The following KLF8 variants were observed in gnomAD, a reference collection of about 807,000 sequenced individuals.
KLF8 encodes Krueppel-like factor 8.
KLF8 carries 10 observed loss-of-function variants against 18.2 expected under a neutral mutation model. The observed-to-expected ratio is 0.55, with a 90% CI of 0.34 to 0.93. KLF8 has a LOEUF of 0.93. Among genes scored for constraint, KLF8 ranks in the 40% least tolerant of loss-of-function variants. KLF8 has a pLI of 0.02. For synonymous variants in KLF8, 109 were observed against 97.3 expected, an observed-to-expected ratio of 1.12 and a Z score of -0.71; for missense variants, 264 against 277.9, an observed-to-expected ratio of 0.95 and a Z score of 0.36.
At chrX:56,067,997 C>A in the KLF8 span, among the ~76,000 whole-genome samples, 1 of 112,205 alleles carries the variant, frequency 8.9e-6, no homozygotes, top group Non-Finnish European at 1.9e-5. Context: ...ATTTCACCCA[C>A]CTTGCCAATG....
the KLF8 span, among the ~76,000 whole-genome samples, chrX:56,161,978 T>C: frequency 8.9e-6 from 1 of 112,196 alleles, no homozygotes; most frequent in Non-Finnish European, 1.9e-5. Flanking sequence ...TTGTTAGTTT[T>C]CCTTCTAACA....
the KLF8 span, among the ~76,000 whole-genome samples, chrX:56,105,595 A>T: frequency 8.0e-5 from 8 of 100,553 alleles, no homozygotes; most frequent in African/African-American, 3.0e-4. Context: ...TTTTGAGCCT[A>T]TGTGTGTCTC....
At chrX:56,050,604 C>T in the KLF8 span, among the ~76,000 whole-genome samples, 1 of 112,214 alleles carries the variant, frequency 8.9e-6, no homozygotes, top group Non-Finnish European at 1.9e-5. Context: ...ATCCTGAGTT[C>T]TAGTTTGATT....
At chrX:56,186,528 A>C in the KLF8 span, among the ~76,000 whole-genome samples, 2 of 111,519 alleles carry the variant, frequency 1.8e-5, no homozygotes, top group Admixed American at 9.6e-5. Context: ...AAGCGGACCT[A>C]ATAGACATCT....
chrX:56,159,519 G>A, the KLF8 span, among the ~76,000 whole-genome samples: 3 of 111,942 alleles, frequency 2.7e-5, no homozygotes, highest in East Asian at 2.8e-4. Flanking sequence ...TCTGGTCCTC[G>A]ACTTTTTTTG....
chrX:56,170,398 T>C, the KLF8 span, among the ~76,000 whole-genome samples: 1 of 110,365 alleles, frequency 9.1e-6, no homozygotes, highest in Non-Finnish European at 1.9e-5. Flanking sequence ...AGAAAGAGAA[T>C]TGAAAATAGT....
chrX:56,256,207 T>C (rs952096211), intron 2 of KLF8, among the ~76,000 whole-genome samples: 2 of 111,887 alleles, frequency 1.8e-5, no homozygotes, highest in Admixed American at 1.9e-4. Context: ...CCTTTGAATT[T>C]CTGCAATATC....
chrX:56,019,152 T>TA, the KLF8 span, among the ~76,000 whole-genome samples: 10 of 111,482 alleles, frequency 9.0e-5, no homozygotes, highest in East Asian at 5.6e-4. Flanking sequence ...ATCAGCATTA[T>TA]AAAAAAAATA....
chrX:56,066,974 T>A, the KLF8 span, among the ~76,000 whole-genome samples: 2 of 110,147 alleles, frequency 1.8e-5, no homozygotes, highest in East Asian at 5.9e-4. Flanking sequence ...TGGCAGCCTT[T>A]CACTTTCCAT....
chrX:56,053,050 C>T, the KLF8 span, among the ~76,000 whole-genome samples: 1 of 111,953 alleles, frequency 8.9e-6, no homozygotes, highest in Non-Finnish European at 1.9e-5. Flanking sequence ...TCTGTCACCC[C>T]TTTCTTTGAC....
the KLF8 span, among the ~76,000 whole-genome samples, chrX:56,080,931 T>G: frequency 2.7e-5 from 3 of 111,412 alleles, no homozygotes; most frequent in East Asian, 8.3e-4. Flanking sequence ...TTTCTTCCAG[T>G]TGATTGCATC....
intron 2 of KLF8, among the ~76,000 whole-genome samples, chrX:56,254,833 A>G (rs1237089178): frequency 9.0e-6 from 1 of 111,049 alleles, no homozygotes; most frequent in Non-Finnish European, 1.9e-5. Flanking sequence ...CTGGGTTTTT[A>G]TGGGCACAGG....
At chrX:55,941,001 C>A in the KLF8 span, among the ~76,000 whole-genome samples, 12 of 111,740 alleles carry the variant, frequency 1.1e-4, no homozygotes, top group Non-Finnish European at 2.1e-4. Flanking sequence ...CAATGACTTT[C>A]TTCACAGAGT....
chrX:56,145,496 C>A, the KLF8 span, among the ~76,000 whole-genome samples: 1 of 112,477 alleles, frequency 8.9e-6, no homozygotes, highest in East Asian at 2.8e-4. Flanking sequence ...CAAATAAATT[C>A]TTGTACACAA....
In KLF8 at chrX:56,284,733, G is replaced by A. The variant is rs2067249913; in HGVS notation, c.*239G>A. On this transcript the variant is annotated 3_prime_UTR_variant, in exon 6 of 6. Coordinates refer to ENST00000468660, the MANE Select transcript of KLF8 (RefSeq NM_007250.5). ...CAACCTCCACATGGGTTGAATTCCAGTGTGGCACCCATGGCTGCCTTCCCA... is the reference window on the plus strand; with the variant it reads ...CAACCTCCACATGGGTTGAATTCCAATGTGGCACCCATGGCTGCCTTCCCA... The A allele has an allele frequency of 3.5e-6, 1 of 284,384 alleles. No individual in the cohort carries two copies. The highest frequency in any genetic ancestry group is 6.2e-6 in the Non-Finnish European group (1 of 162,483). The allele number at this position is 284,384 out of a possible 1,213,427, so 23.4% of individuals were successfully genotyped here. A position where few individuals can be genotyped will look rare whatever the true frequency, so the allele number is the denominator to read the frequency against.
chrX:56,147,368 G>T, the KLF8 span, among the ~76,000 whole-genome samples: 2 of 111,530 alleles, frequency 1.8e-5, no homozygotes, highest in Non-Finnish European at 3.8e-5. Flanking sequence ...ATCTTAAAAG[G>T]GGCTTTTAAC....
the KLF8 span, among the ~76,000 whole-genome samples, chrX:55,994,881 A>C: frequency 1.8e-5 from 2 of 112,058 alleles, no homozygotes; most frequent in African/African-American, 6.5e-5. Context: ...GGTGAAAATA[A>C]TGTATATTCT....
the KLF8 span, among the ~76,000 whole-genome samples, chrX:56,004,022 A>AT: frequency 1.8e-5 from 2 of 111,976 alleles, no homozygotes; most frequent in African/African-American, 6.5e-5. Flanking sequence ...CCTTATTAAT[A>AT]TTTTTGCAAG....
the KLF8 span, among the ~76,000 whole-genome samples, chrX:55,998,657 A>C: frequency 9.0e-6 from 1 of 111,706 alleles, no homozygotes; most frequent in Non-Finnish European, 1.9e-5. Context: ...GTACATAACA[A>C]AATGGAGTCT....
Sources: allele counts gnomAD v4.1 joint callset (sites outside exome capture counted in the v4.1 genomes callset), GRCh38; gene constraint gnomAD v4.1.1; transcripts MANE v1.5; gene names NCBI Gene and HGNC (gene_info 2026-07-23, HGNC 2026-07-21).